The following ATP6V0A2 variants were observed in gnomAD, a reference collection of about 807,000 sequenced individuals.
ATP6V0A2 encodes ATPase H+ transporting V0 subunit a2.
In ATP6V0A2, 58 loss-of-function variants were observed where a neutral mutation model predicts 104.4. The observed-to-expected ratio is 0.56, with a 90% CI of 0.45 to 0.69. The LOEUF is 0.69. Ranked by LOEUF, ATP6V0A2 falls within the 30% of genes least tolerant of loss-of-function variation. ATP6V0A2 has a pLI of 0.00. For missense variants in ATP6V0A2, 938 were observed against 1,062.9 expected (o/e 0.88, Z 1.63); for synonymous variants, 376 against 397.9 (o/e 0.95, Z 0.65).
intron 8 of ATP6V0A2, among the ~76,000 whole-genome samples, chr12:123,736,305 C>T (rs1162101826): frequency 1.3e-5 from 2 of 151,624 alleles, no homozygotes; most frequent in Non-Finnish European, 2.9e-5. Context: ...AATTCTCCTG[C>T]CTCAGCCTCC....
chr12:123,739,351 C>T (rs1448688208), intron 9 of ATP6V0A2, among the ~76,000 whole-genome samples: 2 of 152,194 alleles, frequency 1.3e-5, no homozygotes, highest in Admixed American at 1.3e-4. Flanking sequence ...TTATTTTTCT[C>T]CATAAGTAGG....
At position 123,718,629 on chromosome 12, in the gene ATP6V0A2, C is replaced by T. The variant is rs1228275048; in HGVS notation, c.124C>T (p.Gln42Ter). 6.2e-7 allele frequency: 1 copy of T among 1,610,496 alleles called. No homozygotes were observed. Among genetic ancestry groups the T allele is most frequent in the Middle Eastern group, 1.7e-4 (1 of 6,052 alleles). Residue 42 changes from glutamine (Q) to a stop codon, truncating the protein, a stop_gained, in exon 2 of 20, where the codon CAG becomes TAG. Coordinates refer to ENST00000330342, the MANE Select transcript of ATP6V0A2 (RefSeq NM_012463.4). LOFTEE classifies it high-confidence loss of function. ...TTTTTCATCCTTTTCTCAGCTCAAC[C>T]AGAACGTAAGTTCTTTCCAAAGAAA... ...KGLVQFRDLN[Q>*]NVSSFQRKFV...
chr12:123,755,285 C>T (rs903713028), intron 18 of ATP6V0A2, among the ~76,000 whole-genome samples: 3 of 152,056 alleles, frequency 2.0e-5, no homozygotes, highest in African/African-American at 7.2e-5. Flanking sequence ...ACCTGTAATC[C>T]CAGCACTTTG....
At chr12:123,755,648 A>T (rs1028050050) in intron 18 of ATP6V0A2, among the ~76,000 whole-genome samples, 7 of 151,762 alleles carry the variant, frequency 4.6e-5, no homozygotes, top group Non-Finnish European at 8.8e-5. Flanking sequence ...AGCAGGAACC[A>T]AGCACTGTTC....
rs191739361 is a variant in ATP6V0A2 at position 123,740,396 on chromosome 12, C to T, written c.1038+3125C>T. ...ATTTTTGTGTGTGTATTTTTAGTAG[C>T]GATGGGGTTTCATAATGTTGGCCAG... On this transcript the variant is annotated intron_variant, in intron 9 of 19. Transcript: ENST00000330342. Among the ~76,000 whole-genome samples the T allele has an allele frequency of 7.5e-3, 1,144 of 151,950 alleles. 11 individuals are homozygous for T. The highest frequency in any genetic ancestry group is 0.012 in the Non-Finnish European group (820 of 67,922).
chr12:123,757,108 C>A, intron 19 of ATP6V0A2, 122 bp downstream of exon 19: 1 of 1,119,842 alleles, frequency 8.9e-7, no homozygotes, highest in African/African-American at 1.5e-5. Context: ...GCCAGTTCTT[C>A]CCTTCCCTTG....
chr12:123,737,429 A>C, intron 9 of ATP6V0A2, 158 bp downstream of exon 9: 1 of 796,366 alleles, frequency 1.3e-6, no homozygotes, highest in Admixed American at 2.1e-5. Flanking sequence ...ACAAAATTAA[A>C]ATAGAGATGG....
chr12:123,761,152 C>G lies in ATP6V0A2; in HGVS notation c.*3120C>G, dbSNP rs1021095270. On this transcript the variant is annotated 3_prime_UTR_variant, in exon 20 of 20. Coordinates refer to ENST00000330342, the MANE Select transcript of ATP6V0A2 (RefSeq NM_012463.4). ...AAACTCCTGACCTCAGGTGATCTACCCACCTTGGCCTCCCAAAGTGCTGGG... is the reference window on the plus strand; with the variant it reads ...AAACTCCTGACCTCAGGTGATCTACGCACCTTGGCCTCCCAAAGTGCTGGG... The G allele has an allele frequency of 6.6e-6, 1 of 152,192 alleles. No individual in the cohort carries two copies. The highest frequency in any genetic ancestry group is 2.4e-5 in the African/African-American group (1 of 41,436). The allele number at this position is 152,192 out of a possible 1,614,324, so 9.4% of individuals were successfully genotyped here. A position where few individuals can be genotyped will look rare whatever the true frequency, so the allele number is the denominator to read the frequency against.
intron 1 of ATP6V0A2, among the ~76,000 whole-genome samples, chr12:123,714,495 G>T (rs1566271170): frequency 6.6e-6 from 1 of 152,182 alleles, no homozygotes; most frequent in Non-Finnish European, 1.5e-5. Context: ...GGAAAAGAAA[G>T]GTCATTCAGC....
In ATP6V0A2 at chr12:123,718,648, A is replaced by G. The variant is rs772696151; in HGVS notation, c.143A>G (p.Gln48Arg). The change falls in exon 2 of 20, where the codon CAA becomes CGA. Residue 48 changes from glutamine to arginine, a missense_variant. Transcript: ENST00000330342. Reference protein sequence around the residue: ...RDLNQNVSSFQRKFVGEVKRC... With the variant: ...RDLNQNVSSFRRKFVGEVKRC... ...CTCAACCAGAACGTAAGTTCTTTCCAAAGAAAATTTGTTGGTGAGGTGAAG... is the reference window on the plus strand; with the variant it reads ...CTCAACCAGAACGTAAGTTCTTTCCGAAGAAAATTTGTTGGTGAGGTGAAG... The G allele has an allele frequency of 2.0e-5, 32 of 1,612,778 alleles. No individual in the cohort carries two copies. In the South Asian group the frequency reaches 3.0e-4, roughly 15 times the overall value.
rs761564077 is a variant in ATP6V0A2, at chr12:123,752,244, G to GT, written c.2056-35dup. 5 of 1,613,560 alleles carry GT rather than the reference G, an allele frequency of 3.1e-6. No homozygotes were observed. In the East Asian group the frequency reaches 6.7e-5, roughly 22 times the overall value. ...AGTTTGGTTTTGTCACAACCTTGTG[G>GT]TTTTACAGGCACTGACTCTGTGCTC... On this transcript the variant is annotated intron_variant, in intron 16 of 19. Coordinates refer to ENST00000330342, the MANE Select transcript of ATP6V0A2 (RefSeq NM_012463.4).
chr12:123,750,292 G>A (rs961844241), intron 15 of ATP6V0A2: 4 of 152,282 alleles, frequency 2.6e-5, no homozygotes, highest in African/African-American at 9.7e-5. Context: ...GGGCAGTCCT[G>A]GTCACTCAGC....
intron 6 of ATP6V0A2, chr12:123,730,580 G>A (rs892530620): frequency 5.9e-5 from 9 of 152,108 alleles, no homozygotes; most frequent in Non-Finnish European, 1.0e-4. Flanking sequence ...AGTGACCATC[G>A]TTAATTATCC....
At chr12:123,757,034 G>T (rs753404301) in intron 19 of ATP6V0A2, 48 bp downstream of exon 19, 2 of 1,595,790 alleles carry the variant, frequency 1.3e-6, no homozygotes, top group Non-Finnish European at 1.7e-6. Context: ...AAACATACCC[G>T]CCCCCCCACT....
rs1344814934 is a variant in ATP6V0A2, at chr12:123,748,824, A to G, written c.1935+39A>G. 17 of 1,555,928 alleles carry G rather than the reference A, an allele frequency of 1.1e-5. No homozygotes were observed. The East Asian group carries it at 3.8e-4, about 35-fold the overall frequency. On this transcript the variant is annotated intron_variant, in intron 15 of 19. Coordinates refer to ENST00000330342, the MANE Select transcript of ATP6V0A2 (RefSeq NM_012463.4). ...CCACCCTCATGAACTTAACGGAAGT[A>G]TTCCCAATAGTCTTTTATTCTGAGC...
At chr12:123,741,057 A>G (rs1956604722) in intron 9 of ATP6V0A2, among the ~76,000 whole-genome samples, 1 of 151,974 alleles carries the variant, frequency 6.6e-6, no homozygotes, top group Non-Finnish European at 1.5e-5. Flanking sequence ...TGGGGATGGT[A>G]TTCTACTCCT....
intron 18 of ATP6V0A2, chr12:123,756,533 C>T (rs188175549): frequency 9.4e-6 from 4 of 425,122 alleles, no homozygotes; most frequent in East Asian, 4.3e-5. Context: ...TGGTCCAGTG[C>T]GCTTTGGGAG....
Position 123,752,340 on chromosome 12 carries a change from C to T in ATP6V0A2, c.2113C>T (p.Gln705Ter), listed in dbSNP as rs1359001964. The T allele has an allele frequency of 6.2e-7, 1 of 1,613,838 alleles. No individual in the cohort carries two copies. The highest frequency in any genetic ancestry group is 1.3e-5 in the African/African-American group (1 of 74,846). The change falls in exon 17 of 20, where the codon CAA becomes TAA. Residue 705 changes from glutamine to a stop codon, truncating the protein, a stop_gained. Coordinates refer to ENST00000330342, the MANE Select transcript of ATP6V0A2 (RefSeq NM_012463.4). LOFTEE classifies it high-confidence loss of function. ...SEEEVSLLGS[Q>*]DIEEGNHQVE... The stretch of plus-strand genomic sequence containing the variant: ...GGAAGAAGTTTCATTGCTGGGAAGC[C>T]AAGATATAGAAGAGGGAAATCACCA...
At chr12:123,747,999 G>C (rs1956678501) in intron 14 of ATP6V0A2, among the ~76,000 whole-genome samples, 1 of 152,168 alleles carries the variant, frequency 6.6e-6, no homozygotes, top group Admixed American at 6.5e-5. Context: ...CCCCAGTGGA[G>C]CTTCCATTCA....
Sources: gnomAD v4.1 joint callset for allele counts (sites outside exome capture counted in the v4.1 genomes callset) on GRCh38, gnomAD v4.1.1 for gene constraint, MANE v1.5 for transcripts, NCBI Gene and HGNC (gene_info 2026-07-23, HGNC 2026-07-21) for gene names.